The following ATP13A5 variants were observed in gnomAD, a reference collection of about 807,000 sequenced individuals.
ATP13A5 encodes the protein probable cation-transporting ATPase 13A5.
ATP13A5 carries 149 observed loss-of-function variants against 150.2 expected under a neutral mutation model. The observed-to-expected ratio is 0.99, with a 90% confidence interval of 0.87 to 1.14. ATP13A5 has a LOEUF of 1.14. Among genes scored for constraint, ATP13A5 ranks in the 50% most tolerant of loss-of-function variants. ATP13A5 has a pLI of 0.00. For synonymous variants in ATP13A5, 497 were observed against 522.2 expected (o/e 0.95, Z 0.66); for missense variants, 1,383 against 1,449.3 (o/e 0.95, Z 0.74).
At chr3:193,338,498 GTTTTGTC>G (rs1711983214) in intron 9 of ATP13A5, among the ~76,000 whole-genome samples, 1 of 152,106 alleles carries the variant, frequency 6.6e-6, no homozygotes, top group African/African-American at 2.4e-5. Flanking sequence ...AATCATGTGG[GTTTTGTC>G]TTTGGTTCTG....
At chr3:193,335,318 C>T (rs899797725) in intron 9 of ATP13A5, among the ~76,000 whole-genome samples, 10 of 152,150 alleles carry the variant, frequency 6.6e-5, no homozygotes, top group African/African-American at 1.7e-4. Context: ...CTATCCTATA[C>T]CTGGCCTGCA....
intron 7 of ATP13A5, among the ~76,000 whole-genome samples, chr3:193,345,476 T>C (rs746062233): frequency 6.6e-6 from 1 of 152,102 alleles, no homozygotes. Flanking sequence ...GGATGCCTGA[T>C]GGTCAGAATA....
chr3:193,371,978 G>T (rs1302388581), intron 1 of ATP13A5, among the ~76,000 whole-genome samples: 4 of 152,030 alleles, frequency 2.6e-5, no homozygotes, highest in Admixed American at 6.6e-5. Context: ...TCACAGGGGT[G>T]TCATGTTAAG....
At chr3:193,303,541 T>C (rs1718488314) in intron 23 of ATP13A5, among the ~76,000 whole-genome samples, 1 of 152,248 alleles carries the variant, frequency 6.6e-6, no homozygotes, top group East Asian at 1.9e-4. Context: ...TGTGTATATA[T>C]GTTAATGTAT....
Position 193,378,073 on chromosome 3 carries a change from AATGT to A in ATP13A5, c.63+586_63+589del, listed in dbSNP as rs1171974801. On this transcript the variant is annotated intron_variant, in intron 1 of 29. Transcript: ENST00000342358. Reference sequence around the variant, plus strand: ...TTCAACTTTTTAATTATTATTTTTAAATGTGTGTGTGTGTGTGTGTGTGTGTTTG... The same window carrying A: ...TTCAACTTTTTAATTATTATTTTTAAGTGTGTGTGTGTGTGTGTGTGTTTG... 1.0e-4 allele frequency among the ~76,000 whole-genome samples: 3 copies of A among 29,414 alleles called. No homozygotes were observed. The East Asian group carries it at 3.1e-3, about 31-fold the overall frequency. The allele number at this position is 29,414 out of a possible 152,430, so 19.3% of individuals were successfully genotyped here.
At chr3:193,334,813 A>AG (rs1350076667) in intron 10 of ATP13A5, 116 bp downstream of exon 10, 2 of 893,730 alleles carry the variant, frequency 2.2e-6, no homozygotes, top group African/African-American at 3.3e-5. Flanking sequence ...TTTGGAAAAA[A>AG]GCATGTTGTT....
At position 193,308,758 on chromosome 3, in the gene ATP13A5, AGT is replaced by A. The variant is rs1577340431; in HGVS notation, c.2526-1391_2526-1390del. ...TTGAGAAGACAGCTCATTCTGAGGC[AGT>A]GTGTGTCTTCCTGAATTCATTTTTT... is the stretch of plus-strand genomic sequence containing the variant. On this transcript the variant is annotated intron_variant, in intron 21 of 29. Coordinates refer to ENST00000342358, the MANE Select transcript of ATP13A5 (RefSeq NM_198505.4). Among the ~76,000 whole-genome samples, 3 of 152,206 alleles carry A rather than the reference AGT, an allele frequency of 2.0e-5. No individual in the cohort carries two copies. The East Asian group carries it at 5.8e-4, about 29-fold the overall frequency.
At chr3:193,331,080 C>A (rs753940986) in intron 12 of ATP13A5, 43 bp downstream of exon 12, 5 of 1,575,548 alleles carry the variant, frequency 3.2e-6, no homozygotes, top group Non-Finnish European at 4.3e-6. Context: ...CTCCACCATG[C>A]CTTGAAATCA....
intron 21 of ATP13A5, 84 bp downstream of exon 21, chr3:193,310,553 AG>A: frequency 9.4e-7 from 1 of 1,064,318 alleles, no homozygotes; most frequent in Admixed American, 2.5e-5. Flanking sequence ...TTTTAATAAT[AG>A]CCATTCTGAC....
At chr3:193,288,597 A>C (rs1404261119) in intron 26 of ATP13A5, among the ~76,000 whole-genome samples, 2 of 152,106 alleles carry the variant, frequency 1.3e-5, no homozygotes, top group Admixed American at 6.6e-5. Flanking sequence ...GTATAGTGTA[A>C]ACATAACTTT....
Position 193,364,227 on chromosome 3 carries a change from T to C in ATP13A5, c.117A>G (p.Ala39=). The change falls in exon 2 of 30, where the codon GCA becomes GCG. Residue 39 remains alanine (A), a synonymous_variant. Coordinates refer to ENST00000342358, the MANE Select transcript of ATP13A5 (RefSeq NM_198505.4). ...HNVRKAFCLV[A]SVLTCGGLLL... ...GAAGGCCCCCACAGGTCAGCACGGA[T>C]GCGACAAGGCAGAAGGCTTTCCGTA... The C allele has an allele frequency of 1.9e-6, 3 of 1,614,126 alleles. No individual in the cohort carries two copies. The highest frequency in any genetic ancestry group is 2.5e-6 in the Non-Finnish European group (3 of 1,179,960).
intron 12 of ATP13A5, among the ~76,000 whole-genome samples, chr3:193,329,180 G>C (rs1382422276): frequency 1.3e-5 from 2 of 151,880 alleles, no homozygotes; most frequent in African/African-American, 2.4e-5. Flanking sequence ...TGCGGAGGCT[G>C]TAGTGAGCTG....
intron 27 of ATP13A5, chr3:193,281,143 G>A (rs1717476736): frequency 1.0e-6 from 1 of 980,864 alleles, no homozygotes. Context: ...AAATGGCTTG[G>A]TGATACGATT....
At chr3:193,314,232 C>A (rs1718962230) in intron 18 of ATP13A5, 39 bp from the exon 19 acceptor site, 1 of 1,600,474 alleles carries the variant, frequency 6.2e-7, no homozygotes, top group Non-Finnish European at 8.5e-7. Flanking sequence ...TATGTACAAA[C>A]CTCCCCTCAG....
intron 5 of ATP13A5, among the ~76,000 whole-genome samples, chr3:193,355,873 C>T (rs1577368396): frequency 6.6e-6 from 1 of 152,180 alleles, no homozygotes; most frequent in East Asian, 1.9e-4. Context: ...AATGCCCTTC[C>T]CACATTCTTC....
intron 16 of ATP13A5, 152 bp downstream of exon 16, chr3:193,321,529 G>C (rs1031107816): frequency 8.6e-5 from 64 of 747,986 alleles, no homozygotes; most frequent in Non-Finnish European, 1.2e-4. Flanking sequence ...TACTTGGGAG[G>C]CTGAGGCAGG....
chr3:193,334,894 C>T (rs1405467430), intron 10 of ATP13A5, 35 bp downstream of exon 10: 2 of 1,586,018 alleles, frequency 1.3e-6, no homozygotes, highest in Admixed American at 1.7e-5. Flanking sequence ...CATGTTCAAG[C>T]ATGAATTAAA....
chr3:193,279,154 A>G (rs1000701970), intron 28 of ATP13A5, among the ~76,000 whole-genome samples: 2 of 152,228 alleles, frequency 1.3e-5, no homozygotes, highest in African/African-American at 4.8e-5. Context: ...TAGGTACAGG[A>G]TAAATGTACC....
intron 1 of ATP13A5, among the ~76,000 whole-genome samples, chr3:193,366,414 G>A (rs1484799682): frequency 2.0e-5 from 3 of 151,894 alleles, no homozygotes; most frequent in African/African-American, 7.2e-5. Flanking sequence ...AAAGTATACT[G>A]GGCAAACAGT....
Sources: allele counts gnomAD v4.1 joint callset (sites outside exome capture counted in the v4.1 genomes callset), GRCh38; gene constraint gnomAD v4.1.1; transcripts MANE v1.5; gene names NCBI Gene and HGNC (gene_info 2026-07-23, HGNC 2026-07-21).